Variants in CCDC43 observed in about 807,000 individuals in gnomAD.
CCDC43 encodes coiled-coil domain containing 43.
Under a neutral mutation model 33.3 loss-of-function variants are expected in CCDC43, and 20 were observed. The ratio of observed to expected loss-of-function variants is 0.60; its 90% CI spans 0.42 to 0.87. CCDC43 has a LOEUF of 0.87. Among genes scored for constraint, CCDC43 ranks in the 40% least tolerant of loss-of-function variants. CCDC43 has a pLI of 0.00. For synonymous variants in CCDC43, 104 were observed against 106.5 expected (o/e 0.98, Z 0.14); for missense variants, 248 against 269.9 (o/e 0.92, Z 0.57).
intron 4 of CCDC43, among the ~76,000 whole-genome samples, chr17:44,680,322 C>A (rs1972140965): frequency 1.3e-5 from 2 of 152,168 alleles, no homozygotes; most frequent in Non-Finnish European, 2.9e-5. Flanking sequence ...TAATGCTGGG[C>A]AACTCAGAGT....
At chr17:44,683,165 T>G (rs1972186690) in intron 2 of CCDC43, among the ~76,000 whole-genome samples, 1 of 152,210 alleles carries the variant, frequency 6.6e-6, no homozygotes, top group Non-Finnish European at 1.5e-5. Context: ...CGCCCATTTC[T>G]CTTCCATTTT....
At chr17:44,680,018 C>T (rs1054428369) in intron 4 of CCDC43, among the ~76,000 whole-genome samples, 1 of 152,082 alleles carries the variant, frequency 6.6e-6, no homozygotes, top group African/African-American at 2.4e-5. Flanking sequence ...ACTCTCATAT[C>T]CCAGGCCAGA....
rs58430417 is a variant in CCDC43 at position 44,682,716 on chromosome 17, C to T, written c.293-578G>A. Among the ~76,000 whole-genome samples, 459 of 152,130 alleles carry T rather than the reference C, an allele frequency of 3.0e-3. 3 individuals carry two copies. The highest frequency in any genetic ancestry group is 0.01 in the African/African-American group (431 of 41,514). On this transcript the variant is annotated intron_variant, in intron 2 of 4. Transcript: ENST00000315286. The stretch of plus-strand genomic sequence containing the variant: ...ACTAAAAATACAAAAATTAGCCAGG[C>T]GTGGTGACGGGCGCCTGTAGTCCCA...
At chr17:44,679,598 T>C (rs764724037) in intron 4 of CCDC43, among the ~76,000 whole-genome samples, 23 of 152,126 alleles carry the variant, frequency 1.5e-4, no homozygotes, top group African/African-American at 2.4e-4. Context: ...CTATAAGAGA[T>C]AGAAAATGAG....
At position 44,689,719 on chromosome 17, in the gene CCDC43, G is replaced by T; in HGVS notation, c.35C>A (p.Pro12His). 1 of 1,590,992 alleles carries T rather than the reference G, an allele frequency of 6.3e-7. No homozygotes were observed. Among genetic ancestry groups the T allele is most frequent in the African/African-American group, 1.3e-5 (1 of 74,494 alleles). Reference sequence around the variant, plus strand: ...GCCGCCTCCGCCATCGCCTTCGCCAGGGGCTATCGCGGCCACTTCGCTGGG... The same window carrying T: ...GCCGCCTCCGCCATCGCCTTCGCCATGGGCTATCGCGGCCACTTCGCTGGG... ...AAPSEVAAIA[P>H]GEGDGGGGGF... The change falls in exon 1 of 5, where the codon CCT becomes CAT. Residue 12 changes from proline to histidine, a missense_variant. Pro to His is a moderately conservative substitution (Grantham distance 77). Coordinates refer to ENST00000315286, the MANE Select transcript of CCDC43 (RefSeq NM_144609.3).
At chr17:44,688,766 T>G (rs555244807) in intron 1 of CCDC43, among the ~76,000 whole-genome samples, 61 of 152,284 alleles carry the variant, frequency 4.0e-4, no homozygotes, top group African/African-American at 1.5e-3. Flanking sequence ...TAATAACCAG[T>G]CTAATAAGTG....
At chr17:44,686,213 G>A (rs8072000) in intron 1 of CCDC43, among the ~76,000 whole-genome samples, 1,557 of 152,230 alleles carry the variant, frequency 0.01, 32 homozygotes, top group East Asian at 0.083. Flanking sequence ...GCGCCCAGCC[G>A]AGCCCATGTT....
chr17:44,684,855 A>C (rs1195199476), intron 1 of CCDC43, among the ~76,000 whole-genome samples: 1 of 152,098 alleles, frequency 6.6e-6, no homozygotes, highest in East Asian at 1.9e-4. Flanking sequence ...ATCACAGCTC[A>C]CTGTAACCTC....
At position 44,681,987 on chromosome 17, in the gene CCDC43, A is replaced by C. The variant is rs1972169867; in HGVS notation, c.428+16T>G. ...TTGAGCTTTAGGGAATGGTGCCGAG[A>C]CTCCAGAAAGGATATTCCTCTTCAT... On this transcript the variant is annotated intron_variant, in intron 3 of 4. Transcript: ENST00000315286. The C allele has an allele frequency of 1.2e-6, 2 of 1,613,852 alleles. No homozygotes were observed. The highest frequency in any genetic ancestry group is 1.3e-5 in the African/African-American group (1 of 75,020).
Position 44,689,556 on chromosome 17 carries a change from AGCAGAGAGGATCCCCT to A in CCDC43, c.182_197del (p.Gln61LeufsTer29). The A allele has an allele frequency of 6.2e-7, 1 of 1,613,974 alleles. No homozygotes were observed. The highest frequency in any genetic ancestry group is 8.5e-7 in the Non-Finnish European group (1 of 1,179,872). ...ATGTGTCCAGGCTACTCACCAGGAAAGCAGAGAGGATCCCCTGCAGAGCGTCCAGCTTCTCTTCTTC... is the reference window on the plus strand; with the variant it reads ...ATGTGTCCAGGCTACTCACCAGGAAAGCAGAGCGTCCAGCTTCTCTTCTTC... On this transcript the variant is annotated frameshift_variant, in exon 1 of 5. Coordinates refer to ENST00000315286, the MANE Select transcript of CCDC43 (RefSeq NM_144609.3). LOFTEE classifies it high-confidence loss of function.
chr17:44,686,796 G>GC (rs1972243366), intron 1 of CCDC43, among the ~76,000 whole-genome samples: 1 of 152,068 alleles, frequency 6.6e-6, no homozygotes, highest in Non-Finnish European at 1.5e-5. Context: ...TCTTTGAAGT[G>GC]CCCCAAGCAC....
chr17:44,677,545 C>G lies in CCDC43; in HGVS notation c.*1311G>C, dbSNP rs1322882651. 2 of 150,926 alleles carry G rather than the reference C, an allele frequency of 1.3e-5. No homozygotes were observed. Among genetic ancestry groups the G allele is most frequent in the African/African-American group, 4.9e-5 (2 of 40,968 alleles). The allele number at this position is 150,926 out of a possible 1,614,324, so 9.3% of individuals were successfully genotyped here. A position where few individuals can be genotyped will look rare whatever the true frequency, so the allele number is the denominator to read the frequency against. On this transcript the variant is annotated 3_prime_UTR_variant, in exon 5 of 5. Transcript: ENST00000315286. ...GGTAACATGTCTCCTTTTCCTTAAC[C>G]ATGTTTTTTTTTTTTTAACCTTCTG... is the stretch of plus-strand genomic sequence containing the variant.
At chr17:44,685,352 A>C (rs1972218918) in intron 1 of CCDC43, among the ~76,000 whole-genome samples, 2 of 152,178 alleles carry the variant, frequency 1.3e-5, no homozygotes, top group South Asian at 4.1e-4. Context: ...CATAATAAAG[A>C]GGAGATACAT....
chr17:44,682,628 C>G (rs1227919615), intron 2 of CCDC43, among the ~76,000 whole-genome samples: 1 of 152,080 alleles, frequency 6.6e-6, no homozygotes. Context: ...GAGGCCAAGG[C>G]AGGTGGATCA....
chr17:44,680,140 C>T (rs1972137812), intron 4 of CCDC43, among the ~76,000 whole-genome samples: 1 of 151,840 alleles, frequency 6.6e-6, no homozygotes, highest in African/African-American at 2.4e-5. Context: ...CATGCCACTA[C>T]ACCTGGCTAG....
At chr17:44,681,870 T>C (rs903759755) in intron 3 of CCDC43, 133 bp downstream of exon 3, 61 of 1,036,514 alleles carry the variant, frequency 5.9e-5, no homozygotes, top group Non-Finnish European at 8.1e-5. Flanking sequence ...CAAAGGGCCA[T>C]AGATTACTGC....
chr17:44,683,619 A>G (rs1972193430), intron 2 of CCDC43, among the ~76,000 whole-genome samples: 2 of 152,200 alleles, frequency 1.3e-5, no homozygotes, highest in Admixed American at 1.3e-4. Flanking sequence ...AGCAGTGGAA[A>G]GATGATGAAA....
chr17:44,686,672 A>T (rs1972242001), intron 1 of CCDC43, among the ~76,000 whole-genome samples: 1 of 152,190 alleles, frequency 6.6e-6, no homozygotes, highest in Non-Finnish European at 1.5e-5. Flanking sequence ...CCTACTTACA[A>T]TGCTCCTTTT....
intron 4 of CCDC43, 80 bp downstream of exon 4, chr17:44,680,505 G>T (rs1005547509): frequency 1.9e-6 from 2 of 1,033,956 alleles, no homozygotes; most frequent in Non-Finnish European, 3.0e-6. Context: ...AAGGGGAGCC[G>T]CCAGCAATGA....
Sources: allele counts gnomAD v4.1 joint callset (sites outside exome capture counted in the v4.1 genomes callset), GRCh38; gene constraint gnomAD v4.1.1; transcripts MANE v1.5; gene names NCBI Gene and HGNC (gene_info 2026-07-23, HGNC 2026-07-21).